The following AGO3 variants were observed in gnomAD, a reference collection of about 807,000 sequenced individuals.
The protein encoded by AGO3 is protein argonaute-3.
AGO3 carries 16 observed loss-of-function variants against 105.5 expected under a neutral mutation model. The observed-to-expected ratio is 0.15, with a 90% confidence interval of 0.10 to 0.23. The LOEUF is 0.23. Among genes scored for constraint, AGO3 ranks in the 10% least tolerant of loss-of-function variants. The pLI, the probability that AGO3 is intolerant of heterozygous loss-of-function variation, is 1.00. For missense variants in AGO3, 534 were observed against 1,088.0 expected, an observed-to-expected ratio of 0.49 and a Z score of 7.16; for synonymous variants, 340 against 367.3, an observed-to-expected ratio of 0.93 and a Z score of 0.85.
chr1:35,961,601 C>T (rs1646678238), intron 2 of AGO3, among the ~76,000 whole-genome samples: 1 of 152,072 alleles, frequency 6.6e-6, no homozygotes, highest in Non-Finnish European at 1.5e-5. Context: ...TATTCCAAAC[C>T]AGACTTGGTT....
At position 36,061,369 on chromosome 1, in the gene AGO3, A is replaced by G. The variant is rs893519202; in HGVS notation, c.*5624A>G. The stretch of plus-strand genomic sequence containing the variant: ...GTCAAGGCTTGTGCTAATATTACCT[A>G]CTACTCATTGAAATTTATATTACTT... On this transcript the variant is annotated 3_prime_UTR_variant, in exon 19 of 19. Transcript: ENST00000373191. 3.3e-5 allele frequency: 5 copies of G among 152,190 alleles called. No individual in the cohort carries two copies. The highest frequency in any genetic ancestry group is 5.9e-5 in the Non-Finnish European group (4 of 68,032). 9.4% of individuals were successfully genotyped at this position (152,190 alleles called of 1,614,324 possible). A position where few individuals can be genotyped will look rare whatever the true frequency, so the allele number is the denominator to read the frequency against.
chr1:35,962,555 AAAG>A (rs1189004681), intron 2 of AGO3, among the ~76,000 whole-genome samples: 1 of 151,980 alleles, frequency 6.6e-6, no homozygotes, highest in Non-Finnish European at 1.5e-5. Flanking sequence ...AAAAAAAAAA[AAAG>A]AGAAAGAAAG....
chr1:36,013,504 C>G, intron 9 of AGO3, 126 bp from the exon 10 acceptor site: 2 of 1,243,696 alleles, frequency 1.6e-6, no homozygotes, highest in Non-Finnish European at 2.2e-6. Flanking sequence ...AGTTAGAGCA[C>G]CATTGATTAG....
chr1:35,933,109 G>C (rs1308357342), intron 1 of AGO3, among the ~76,000 whole-genome samples: 1 of 152,088 alleles, frequency 6.6e-6, no homozygotes, highest in Non-Finnish European at 1.5e-5. Flanking sequence ...CCATTTAGCT[G>C]TCTTCACATT....
intron 1 of AGO3, among the ~76,000 whole-genome samples, chr1:35,937,295 C>T (rs997607860): frequency 2.7e-5 from 4 of 150,724 alleles, no homozygotes; most frequent in African/African-American, 4.9e-5. Context: ...ACCCGCTACT[C>T]GGGAGGCTGA....
intron 6 of AGO3, among the ~76,000 whole-genome samples, chr1:36,007,453 T>C (rs1640391989): frequency 1.3e-5 from 2 of 152,114 alleles, no homozygotes; most frequent in Non-Finnish European, 2.9e-5. Context: ...TCTCAACACT[T>C]TGGGAGGCCA....
chr1:35,982,905 A>AT, intron 5 of AGO3: 1 of 392,412 alleles, frequency 2.5e-6, no homozygotes, highest in Non-Finnish European at 4.6e-6. Flanking sequence ...CAAGCCTGGC[A>AT]TATCAGTCAA....
chr1:35,972,856 A>AT (rs1165696072), intron 4 of AGO3, among the ~76,000 whole-genome samples: 3,185 of 122,862 alleles, frequency 0.026, 71 homozygotes, highest in African/African-American at 0.056. Context: ...TTAAAAAAAA[A>AT]TTTTTTTTTT....
intron 2 of AGO3, among the ~76,000 whole-genome samples, chr1:35,951,082 G>A (rs1409817168): frequency 8.6e-5 from 13 of 151,930 alleles, no homozygotes; most frequent in Non-Finnish European, 1.8e-4. Context: ...TCAGCCTCCC[G>A]AGTAGTTGGG....
chr1:35,957,162 C>T (rs1256350088), intron 2 of AGO3, among the ~76,000 whole-genome samples: 2 of 151,750 alleles, frequency 1.3e-5, no homozygotes, highest in African/African-American at 2.4e-5. Flanking sequence ...CCAGCCTGGC[C>T]AACATGGTGA....
chr1:36,034,378 C>T (rs923154129), intron 13 of AGO3, 45 bp downstream of exon 13: 1 of 1,454,208 alleles, frequency 6.9e-7, no homozygotes, highest in Non-Finnish European at 9.3e-7. Context: ...TTTATATCTT[C>T]ATTTGTCTAT....
intron 14 of AGO3, among the ~76,000 whole-genome samples, chr1:36,038,632 G>A (rs561025358): frequency 6.6e-6 from 1 of 152,280 alleles, no homozygotes; most frequent in South Asian, 2.1e-4. Flanking sequence ...CATGACTTTG[G>A]TATAGGTTAA....
At position 36,068,511 on chromosome 1, in the gene AGO3, A is replaced by G. The variant is rs546319442; in HGVS notation, c.*12766A>G. On this transcript the variant is annotated 3_prime_UTR_variant, in exon 19 of 19. Coordinates refer to ENST00000373191, the MANE Select transcript of AGO3 (RefSeq NM_024852.4). ...AGACCCCAATCTTTAAAATAAATAA[A>G]TAAATAAGAATTATTCTTGAAAGTA... 3.9e-5 allele frequency: 6 copies of G among 152,360 alleles called. No individual in the cohort carries two copies. The East Asian group carries it at 9.6e-4, about 24-fold the overall frequency. 9.4% of individuals were successfully genotyped at this position (152,360 alleles called of 1,614,324 possible).
At position 36,034,432 on chromosome 1, in the gene AGO3, C is replaced by G. The variant is rs1317425928; in HGVS notation, c.1751+99C>G. The G allele has an allele frequency of 3.7e-6, 3 of 811,316 alleles. No individual in the cohort carries two copies. In the Admixed American group the frequency reaches 1.3e-4, roughly 34 times the overall value. 50.3% of individuals were successfully genotyped at this position (811,316 alleles called of 1,614,324 possible). A position where few individuals can be genotyped will look rare whatever the true frequency, so the allele number is the denominator to read the frequency against. On this transcript the variant is annotated intron_variant, in intron 13 of 18. Coordinates refer to ENST00000373191, the MANE Select transcript of AGO3 (RefSeq NM_024852.4). ...ACTATAAGGGCTGTGTAAGAGACCC[C>G]CTTAATAATTCCTACTATGGGAGAT...
At chr1:36,007,725 A>G (rs932357303) in intron 6 of AGO3, among the ~76,000 whole-genome samples, 2 of 152,014 alleles carry the variant, frequency 1.3e-5, no homozygotes, top group Non-Finnish European at 2.9e-5. Flanking sequence ...TTAAATTTTC[A>G]GTTTCTTAGG....
At chr1:36,005,370 C>T (rs61778761) in intron 6 of AGO3, among the ~76,000 whole-genome samples, 7,244 of 152,180 alleles carry the variant, frequency 0.048, 231 homozygotes, top group Non-Finnish European at 0.071. Context: ...ATTCATTCTT[C>T]GCCATTCAGT....
intron 5 of AGO3, among the ~76,000 whole-genome samples, chr1:35,988,599 A>G (rs558312110): frequency 6.6e-6 from 1 of 151,964 alleles, no homozygotes; most frequent in East Asian, 1.9e-4. Flanking sequence ...GTTGTCACAA[A>G]TGACAAGACT....
chr1:35,936,586 T>G (rs1646151009), intron 1 of AGO3, among the ~76,000 whole-genome samples: 1 of 152,134 alleles, frequency 6.6e-6, no homozygotes, highest in Admixed American at 6.6e-5. Context: ...CCTCCCAGAG[T>G]GCTGGGATTA....
intron 17 of AGO3, among the ~76,000 whole-genome samples, chr1:36,046,264 G>A (rs555705304): frequency 6.6e-6 from 1 of 152,300 alleles, no homozygotes; most frequent in Admixed American, 6.5e-5. Context: ...GATATGTCTT[G>A]CTCCAGGGGC....
Sources: allele counts gnomAD v4.1 joint callset (sites outside exome capture counted in the v4.1 genomes callset), GRCh38; gene constraint gnomAD v4.1.1; transcripts MANE v1.5; gene names NCBI Gene and HGNC (gene_info 2026-07-23, HGNC 2026-07-21).